The following CFAP61 variants were observed in gnomAD, a reference collection of about 807,000 sequenced individuals.
The protein encoded by CFAP61 is cilia and flagella associated protein 61, also known as cilia- and flagella-associated protein 61.
Under a neutral mutation model 135.6 loss-of-function variants are expected in CFAP61, and 107 were observed. That is an observed-to-expected ratio of 0.79 (90% confidence interval 0.67 to 0.93). CFAP61 has a LOEUF of 0.93. CFAP61 is among the 40% of genes least tolerant of loss of function. The pLI is 0.00. For missense variants in CFAP61, 1,507 were observed against 1,556.2 expected, an observed-to-expected ratio of 0.97 and a Z score of 0.53; for synonymous variants, 575 against 578.5, an observed-to-expected ratio of 0.99 and a Z score of 0.09.
chr20:20,106,397 A>G (rs937083724), intron 8 of CFAP61, among the ~76,000 whole-genome samples: 41 of 152,352 alleles, frequency 2.7e-4, no homozygotes, highest in African/African-American at 9.6e-4. Flanking sequence ...AAGGATGGCA[A>G]CCACTTAAGA....
At chr20:20,170,127 A>G (rs1406391745) in intron 13 of CFAP61, among the ~76,000 whole-genome samples, 1 of 152,190 alleles carries the variant, frequency 6.6e-6, no homozygotes, top group Non-Finnish European at 1.5e-5. Context: ...TGAGCATGGA[A>G]CATTGGGAGA....
chr20:20,344,928 A>G (rs1391303420), intron 26 of CFAP61, among the ~76,000 whole-genome samples: 1 of 152,264 alleles, frequency 6.6e-6, no homozygotes, highest in Non-Finnish European at 1.5e-5. Context: ...CATAAAAATA[A>G]GGAAATCCTG....
chr20:20,211,515 A>G (rs1469963882), intron 17 of CFAP61, among the ~76,000 whole-genome samples: 2 of 152,230 alleles, frequency 1.3e-5, no homozygotes, highest in Non-Finnish European at 1.5e-5. Context: ...AACAGGGGAA[A>G]AAAACAGAAT....
rs199662021 is a variant in CFAP61 at position 20,161,840 on chromosome 20, C to T, written c.1027-2210C>T. ...GACAAGTAAGTGGAATTCTCCACTTCGAACAGAGGAATCCACAGCCCCTCC... is the reference window on the plus strand; with the variant it reads ...GACAAGTAAGTGGAATTCTCCACTTTGAACAGAGGAATCCACAGCCCCTCC... On this transcript the variant is annotated intron_variant, in intron 10 of 26. Coordinates refer to ENST00000245957, the MANE Select transcript of CFAP61 (RefSeq NM_015585.4). Among the ~76,000 whole-genome samples, 14 of 152,326 alleles carry T rather than the reference C, an allele frequency of 9.2e-5. No homozygotes were observed. In the East Asian group the frequency reaches 1.2e-3, roughly 13 times the overall value.
At position 20,333,783 on chromosome 20, in the gene CFAP61, C is replaced by T. The variant is rs73289295; in HGVS notation, c.3423-8048C>T. Among the ~76,000 whole-genome samples, 716 of 152,276 alleles carry T rather than the reference C, an allele frequency of 4.7e-3. 7 individuals are homozygous for T. The highest frequency in any genetic ancestry group is 0.016 in the African/African-American group (670 of 41,558). On this transcript the variant is annotated intron_variant, in intron 25 of 26. Transcript: ENST00000245957. ...AAGGGTGGCAGGGAATTTCTGGTCC[C>T]GTCCAGAGCAAATGTGACCTGATGA... is the stretch of plus-strand genomic sequence containing the variant.
chr20:20,160,933 T>TGTGTTCTCTAGGCTC (rs2053345380), intron 10 of CFAP61, among the ~76,000 whole-genome samples: 1 of 152,104 alleles, frequency 6.6e-6, no homozygotes, highest in Non-Finnish European at 1.5e-5. Flanking sequence ...TCTCTAGGCT[T>TGTGTTCTCTAGGCTC]TCGGAGATCC....
At chr20:20,056,593 C>T in intron 1 of CFAP61, 25 bp from the exon 2 acceptor site, 1 of 1,536,084 alleles carries the variant, frequency 6.5e-7, no homozygotes, top group South Asian at 1.2e-5. Context: ...TATAACCAAA[C>T]TGGCTTATCA....
intron 2 of CFAP61, among the ~76,000 whole-genome samples, chr20:20,057,355 C>G (rs763418849): frequency 6.6e-6 from 1 of 152,164 alleles, no homozygotes; most frequent in Admixed American, 6.5e-5. Flanking sequence ...CAAATCTCAG[C>G]TGCCTCACTC....
intron 6 of CFAP61, among the ~76,000 whole-genome samples, chr20:20,077,537 G>A (rs2046138692): frequency 6.6e-6 from 1 of 152,202 alleles, no homozygotes; most frequent in African/African-American, 2.4e-5. Context: ...AAATACAAGT[G>A]ACCAGGGCTT....
intron 8 of CFAP61, among the ~76,000 whole-genome samples, chr20:20,129,258 G>C (rs530237058): frequency 9.1e-4 from 138 of 151,838 alleles, no homozygotes; most frequent in Non-Finnish European, 1.5e-3. Flanking sequence ...GGGTCTGTTT[G>C]TCGTGAATTC....
intron 23 of CFAP61, among the ~76,000 whole-genome samples, chr20:20,289,940 G>C (rs1040592525): frequency 6.6e-6 from 1 of 152,220 alleles, no homozygotes; most frequent in Non-Finnish European, 1.5e-5. Flanking sequence ...TTGGAGAAGT[G>C]ATGAGGAATA....
intron 4 of CFAP61, 57 bp from the exon 5 acceptor site, chr20:20,075,132 C>A: frequency 6.6e-7 from 1 of 1,513,774 alleles, no homozygotes; most frequent in Non-Finnish European, 9.2e-7. Flanking sequence ...TCATCAAGTG[C>A]CAGCTGATGG....
chr20:20,060,128 A>C (rs1179006448), intron 2 of CFAP61, among the ~76,000 whole-genome samples: 1 of 152,098 alleles, frequency 6.6e-6, no homozygotes, highest in Non-Finnish European at 1.5e-5. Context: ...AGACTAATAG[A>C]TTTCTTAGGA....
chr20:20,157,055 C>T (rs7269025), intron 9 of CFAP61, among the ~76,000 whole-genome samples: 19,429 of 152,112 alleles, frequency 0.13, 1,418 homozygotes, highest in Non-Finnish European at 0.15. Context: ...TGTAGGATAA[C>T]ACTAACTGAT....
At chr20:20,342,426 C>A (rs535021572) in intron 26 of CFAP61, among the ~76,000 whole-genome samples, 108 of 152,316 alleles carry the variant, frequency 7.1e-4, no homozygotes, top group African/African-American at 2.5e-3. Flanking sequence ...AAGGGCTGCA[C>A]GCTCAGCAAG....
intron 24 of CFAP61, among the ~76,000 whole-genome samples, chr20:20,294,526 G>T (rs2055247975): frequency 6.6e-6 from 1 of 152,220 alleles, no homozygotes; most frequent in Non-Finnish European, 1.5e-5. Flanking sequence ...TAGTGTAGCT[G>T]CTTCTGGACT....
intron 2 of CFAP61, among the ~76,000 whole-genome samples, chr20:20,060,647 C>T (rs1176696179): frequency 2.0e-5 from 3 of 152,340 alleles, no homozygotes; most frequent in South Asian, 4.1e-4. Flanking sequence ...CATCCTGTCA[C>T]TTACGCCTTT....
chr20:20,262,811 T>G (rs1322071151), intron 20 of CFAP61, 145 bp from the exon 21 acceptor site: 4 of 422,804 alleles, frequency 9.5e-6, no homozygotes, highest in Admixed American at 8.4e-5. Context: ...TGTGTTTTTT[T>G]TTTTTTTCAA....
chr20:20,139,262 T>C (rs182372079), intron 8 of CFAP61, among the ~76,000 whole-genome samples: 40 of 152,328 alleles, frequency 2.6e-4, no homozygotes, highest in African/African-American at 9.4e-4. Context: ...AGGAGAGTAA[T>C]GCAAAATGAT....
Sources: allele counts gnomAD v4.1 joint callset (sites outside exome capture counted in the v4.1 genomes callset), GRCh38; gene constraint gnomAD v4.1.1; transcripts MANE v1.5; gene names NCBI Gene and HGNC (gene_info 2026-07-23, HGNC 2026-07-21).